Variants in DNAH12 observed in about 807,000 individuals in gnomAD.
DNAH12 encodes dynein axonemal heavy chain 12.
In DNAH12, 285 loss-of-function variants were observed where a neutral mutation model predicts 371.5. That is an observed-to-expected ratio of 0.77 (90% CI 0.70 to 0.85). The LOEUF (loss-of-function observed/expected upper bound fraction) is 0.85, where lower values mean the gene tolerates loss of function less well. DNAH12 is among the 40% of genes least tolerant of loss of function. The pLI is 0.00. For missense variants in DNAH12, 3,611 were observed against 3,689.4 expected, an observed-to-expected ratio of 0.98 and a Z score of 0.55; for synonymous variants, 1,200 against 1,213.0, an observed-to-expected ratio of 0.99 and a Z score of 0.22.
rs2061861363 is a variant in DNAH12, at chr3:57,323,626, A to T, written c.9979-7T>A. The T allele has an allele frequency of 6.5e-7, 1 of 1,526,832 alleles. No homozygotes were observed. The highest frequency in any genetic ancestry group is 2.5e-5 in the East Asian group (1 of 40,436). 94.6% of individuals were successfully genotyped at this position (1,526,832 alleles called of 1,614,324 possible). ...TTGTTATAGCTGGGGTTATCTGTTG[A>T]AGAGAAAAGATATGATCTTTAGAGC... On this transcript the variant is annotated splice_polypyrimidine_tract_variant and splice_region_variant and intron_variant, in intron 62 of 73. Coordinates refer to ENST00000495027, the MANE Select transcript of DNAH12 (RefSeq NM_001366028.2).
intron 65 of DNAH12, among the ~76,000 whole-genome samples, chr3:57,316,791 C>T (rs2061694658): frequency 6.6e-6 from 1 of 152,148 alleles, no homozygotes; most frequent in Non-Finnish European, 1.5e-5. Flanking sequence ...CTCCTGCTGC[C>T]TTGTGAAGAA....
chr3:57,499,647 A>AATATATATATATATATATATAT (rs1176721728), intron 11 of DNAH12, among the ~76,000 whole-genome samples: 9 of 17,950 alleles, frequency 5.0e-4, no homozygotes, highest in Non-Finnish European at 9.6e-4. Context: ...AAAAAAAAAA[A>AATATATATATATATATATATAT]ATATATATAT....
chr3:57,372,545 G>A (rs2063197577), intron 55 of DNAH12, among the ~76,000 whole-genome samples: 1 of 151,866 alleles, frequency 6.6e-6, no homozygotes. Context: ...ATGAAAAAGT[G>A]AAATATATAA....
intron 4 of DNAH12, among the ~76,000 whole-genome samples, chr3:57,520,444 A>ATT (rs1479622161): frequency 6.2e-4 from 31 of 49,936 alleles, no homozygotes; most frequent in African/African-American, 3.7e-3. Flanking sequence ...TTTATTTATT[A>ATT]TTATTATTTT....
chr3:57,496,307 T>C (rs1421326370), intron 11 of DNAH12, among the ~76,000 whole-genome samples: 1 of 152,114 alleles, frequency 6.6e-6, no homozygotes, highest in Non-Finnish European at 1.5e-5. Flanking sequence ...TCTGGTATTT[T>C]AAGGCACTAA....
At chr3:57,530,397 GC>G in intron 2 of DNAH12, 1 of 554,030 alleles carries the variant, frequency 1.8e-6, no homozygotes, top group Non-Finnish European at 3.3e-6. Flanking sequence ...CAACTCCCAG[GC>G]CTCTAGCACA....
At chr3:57,409,533 A>G (rs1553682384) in intron 39 of DNAH12, among the ~76,000 whole-genome samples, 1 of 152,150 alleles carries the variant, frequency 6.6e-6, no homozygotes, top group Non-Finnish European at 1.5e-5. Flanking sequence ...ATTTTTACAC[A>G]TAAAAATAGA....
chr3:57,395,944 G>A (rs1454538775), intron 43 of DNAH12, among the ~76,000 whole-genome samples: 1 of 151,164 alleles, frequency 6.6e-6, no homozygotes, highest in Non-Finnish European at 1.5e-5. Context: ...GTGACAGAGT[G>A]AGACATCTCA....
chr3:57,302,077 C>G, intron 69 of DNAH12, 138 bp from the exon 70 acceptor site: 3 of 784,402 alleles, frequency 3.8e-6, no homozygotes, highest in Non-Finnish European at 4.0e-6. Flanking sequence ...TGTGGTGGTA[C>G]GTGAGCTAAT....
Position 57,472,528 on chromosome 3 carries a change from A to T in DNAH12, c.1776+18T>A, listed in dbSNP as rs2066395959. The T allele has an allele frequency of 6.5e-7, 1 of 1,536,836 alleles. No individual in the cohort carries two copies. Among genetic ancestry groups the T allele is most frequent in the Admixed American group, 2.1e-5 (1 of 48,014 alleles). On this transcript the variant is annotated intron_variant, in intron 14 of 73. Coordinates refer to ENST00000495027, the MANE Select transcript of DNAH12 (RefSeq NM_001366028.2). ...GAAATGTCAGATTACAAAAATACATACTGAAAAATATATTTACCTCATCAT... is the reference window on the plus strand; with the variant it reads ...GAAATGTCAGATTACAAAAATACATTCTGAAAAATATATTTACCTCATCAT...
chr3:57,529,421 T>C (rs1311730980), intron 2 of DNAH12, among the ~76,000 whole-genome samples: 2 of 152,212 alleles, frequency 1.3e-5, no homozygotes, highest in Non-Finnish European at 2.9e-5. Context: ...CATTACGTTA[T>C]TGGTCTGTTC....
intron 59 of DNAH12, among the ~76,000 whole-genome samples, chr3:57,355,912 A>G (rs1226192447): frequency 2.0e-5 from 3 of 152,202 alleles, no homozygotes; most frequent in African/African-American, 7.2e-5. Flanking sequence ...ACATTGTTAT[A>G]AACACTTTAC....
chr3:57,453,984 C>T (rs548024723), intron 23 of DNAH12, among the ~76,000 whole-genome samples: 1 of 152,086 alleles, frequency 6.6e-6, no homozygotes, highest in Non-Finnish European at 1.5e-5. Context: ...GTGGTGTGTG[C>T]CTGTGGTCCT....
rs562343761 is a variant in DNAH12 at position 57,438,918 on chromosome 3, C to CGAAAAAAAAA, written c.4546-1859_4546-1858insTTTTTTTTTC. Among the ~76,000 whole-genome samples the CGAAAAAAAAA allele has an allele frequency of 1.2e-3, 113 of 94,484 alleles. 8 individuals are homozygous for CGAAAAAAAAA. Among genetic ancestry groups the CGAAAAAAAAA allele is most frequent in the Non-Finnish European group, 1.5e-3 (75 of 49,364 alleles). The allele number at this position is 94,484 out of a possible 152,430, so 62.0% of individuals were successfully genotyped here. A position where few individuals can be genotyped will look rare whatever the true frequency, so the allele number is the denominator to read the frequency against. On this transcript the variant is annotated intron_variant, in intron 29 of 73. Coordinates refer to ENST00000495027, the MANE Select transcript of DNAH12 (RefSeq NM_001366028.2). ...CAACAGAGTGAAACTCTGTCTCAGA[C>CGAAAAAAAAA]AAAAAAAAAAAAAAGGAAAGCAACT...
intron 2 of DNAH12, among the ~76,000 whole-genome samples, chr3:57,538,071 T>G (rs1247614801): frequency 6.6e-5 from 10 of 152,126 alleles, no homozygotes. Flanking sequence ...TTTTTGAAAG[T>G]AGCGAAAAGA....
intron 58 of DNAH12, among the ~76,000 whole-genome samples, chr3:57,360,835 T>A (rs2062911145): frequency 6.6e-6 from 1 of 152,090 alleles, no homozygotes; most frequent in African/African-American, 2.4e-5. Context: ...AAGGAGCACA[T>A]AATTCATTGG....
intron 60 of DNAH12, among the ~76,000 whole-genome samples, chr3:57,340,017 G>A (rs1409398347): frequency 1.3e-5 from 2 of 151,944 alleles, no homozygotes; most frequent in East Asian, 3.9e-4. Context: ...ACCACAGTGA[G>A]CTGTGATCAT....
intron 11 of DNAH12, among the ~76,000 whole-genome samples, chr3:57,499,648 A>AAAAAAATATATATATG (rs71088082): frequency 4.7e-5 from 1 of 21,298 alleles, no homozygotes; most frequent in Non-Finnish European, 9.3e-5. Flanking sequence ...AAAAAAAAAA[A>AAAAAAATATATATATG]TATATATATA....
chr3:57,493,776 C>CAAAAAA (rs376444832), intron 11 of DNAH12: 1 of 80,836 alleles, frequency 1.2e-5, no homozygotes, highest in Non-Finnish European at 2.4e-5. Context: ...CTTGACCAGT[C>CAAAAAA]AAAAAAAAAA....
Sources: gnomAD v4.1 joint callset for allele counts (sites outside exome capture counted in the v4.1 genomes callset) on GRCh38, gnomAD v4.1.1 for gene constraint, MANE v1.5 for transcripts, NCBI Gene and HGNC (gene_info 2026-07-23, HGNC 2026-07-21) for gene names.